LHFPL3: variants seen among roughly 807,000 people sequenced by gnomAD.
LHFPL3 encodes LHFPL tetraspan subfamily member 3 protein.
In LHFPL3, 5 loss-of-function variants were observed where a neutral mutation model predicts 19.3. That is an observed-to-expected ratio of 0.26 (90% confidence interval 0.14 to 0.54). The LOEUF is 0.54. Ranked by LOEUF, LHFPL3 falls within the 20% of genes least tolerant of loss-of-function variation. The pLI is 0.94. For synonymous variants in LHFPL3, 133 were observed against 126.2 expected, an observed-to-expected ratio of 1.05 and a Z score of -0.36; for missense variants, 249 against 307.4, an observed-to-expected ratio of 0.81 and a Z score of 1.42.
chr7:104,563,107 A>C (rs1386585293), intron 1 of LHFPL3, among the ~76,000 whole-genome samples: 2 of 151,814 alleles, frequency 1.3e-5, no homozygotes, highest in Non-Finnish European at 3.0e-5. Flanking sequence ...GGGACATTTA[A>C]GTCTGCAGAG....
chr7:104,716,444 A>G (rs1793387868), intron 1 of LHFPL3, among the ~76,000 whole-genome samples: 1 of 149,760 alleles, frequency 6.7e-6, no homozygotes, highest in African/African-American at 2.4e-5. Flanking sequence ...CTCCACCAAA[A>G]AGCTGTTGAA....
At chr7:104,669,484 A>G (rs1792429072) in intron 1 of LHFPL3, 1 of 1,612,146 alleles carries the variant, frequency 6.2e-7, no homozygotes, top group South Asian at 1.1e-5. Flanking sequence ...ACCTGAGGAA[A>G]ATCCAGCTTC....
intron 1 of LHFPL3, among the ~76,000 whole-genome samples, chr7:104,584,474 T>TA (rs1260702283): frequency 6.6e-6 from 1 of 151,528 alleles, no homozygotes; most frequent in Non-Finnish European, 1.5e-5. Context: ...TAAAATTTTT[T>TA]AAAAAAAGAA....
chr7:104,780,312 A>G (rs990374202), intron 2 of LHFPL3, among the ~76,000 whole-genome samples: 1 of 152,108 alleles, frequency 6.6e-6, no homozygotes, highest in African/African-American at 2.4e-5. Context: ...AGTCCCTGAC[A>G]CCTCCATTCT....
chr7:104,638,948 A>G (rs183106808), intron 1 of LHFPL3, among the ~76,000 whole-genome samples: 3 of 150,584 alleles, frequency 2.0e-5, no homozygotes, highest in Non-Finnish European at 4.4e-5. Flanking sequence ...TTTTTTTGGT[A>G]GAAACAGGGT....
At chr7:104,754,577 T>C (rs1794247343) in intron 2 of LHFPL3, among the ~76,000 whole-genome samples, 1 of 152,216 alleles carries the variant, frequency 6.6e-6, no homozygotes, top group African/African-American at 2.4e-5. Flanking sequence ...TACAGTGCCA[T>C]AGTGAGGTTT....
At chr7:104,353,043 C>T (rs1304097477) in intron 1 of LHFPL3, among the ~76,000 whole-genome samples, 1 of 152,154 alleles carries the variant, frequency 6.6e-6, no homozygotes, top group Non-Finnish European at 1.5e-5. Flanking sequence ...TGGATGCCTC[C>T]CAGAGGCTCC....
At chr7:104,896,959 A>ATGTAGTC (rs1792375232) in intron 2 of LHFPL3, among the ~76,000 whole-genome samples, 1 of 151,968 alleles carries the variant, frequency 6.6e-6, no homozygotes, top group South Asian at 2.1e-4. Flanking sequence ...GGTGGCGCAC[A>ATGTAGTC]CCTGTAGTCC....
chr7:104,836,172 G>A (rs562389855), intron 2 of LHFPL3, among the ~76,000 whole-genome samples: 1 of 152,282 alleles, frequency 6.6e-6, no homozygotes, highest in African/African-American at 2.4e-5. Flanking sequence ...ATCCTAAGAT[G>A]GGAAGGAGAA....
chr7:104,404,266 T>C (rs962897567), intron 1 of LHFPL3, among the ~76,000 whole-genome samples: 1 of 152,226 alleles, frequency 6.6e-6, no homozygotes, highest in African/African-American at 2.4e-5. Flanking sequence ...TCCTACTTCC[T>C]ATAACAGATA....
intron 1 of LHFPL3, among the ~76,000 whole-genome samples, chr7:104,536,473 C>T (rs1275569285): frequency 6.6e-6 from 1 of 152,180 alleles, no homozygotes; most frequent in East Asian, 1.9e-4. Context: ...TTTTCCCCCA[C>T]GTATGATTTT....
At chr7:104,821,142 G>A (rs62484328) in intron 2 of LHFPL3, among the ~76,000 whole-genome samples, 28,249 of 152,150 alleles carry the variant, frequency 0.19, 2,780 homozygotes, top group East Asian at 0.35. Flanking sequence ...TCGTTATGTA[G>A]TGTTCAATTT....
chr7:104,633,815 A>G (rs1367541542), intron 1 of LHFPL3, among the ~76,000 whole-genome samples: 1 of 152,192 alleles, frequency 6.6e-6, no homozygotes, highest in Non-Finnish European at 1.5e-5. Flanking sequence ...TAAAGTAACT[A>G]CTAACGTTGC....
chr7:104,509,246 C>T (rs1275528802), intron 1 of LHFPL3, among the ~76,000 whole-genome samples: 2 of 128,816 alleles, frequency 1.6e-5, no homozygotes, highest in African/African-American at 3.0e-5. Flanking sequence ...AAAGACAGTA[C>T]AAAAAAGAAA....
chr7:104,513,406 T>A (rs1793859060), intron 1 of LHFPL3, among the ~76,000 whole-genome samples: 1 of 152,224 alleles, frequency 6.6e-6, no homozygotes, highest in Admixed American at 6.5e-5. Context: ...TATTGTGGAA[T>A]CTGTGAATTT....
chr7:104,753,092 T>C (rs950488911), intron 2 of LHFPL3, among the ~76,000 whole-genome samples: 1 of 152,240 alleles, frequency 6.6e-6, no homozygotes, highest in East Asian at 1.9e-4. Context: ...AGGACCACAC[T>C]TTAAGCAACA....
chr7:104,413,676 C>T (rs773604091), intron 1 of LHFPL3, among the ~76,000 whole-genome samples: 2 of 152,188 alleles, frequency 1.3e-5, no homozygotes, highest in East Asian at 3.8e-4. Flanking sequence ...CGTCCTTCAC[C>T]TTCATGTCCC....
intron 1 of LHFPL3, among the ~76,000 whole-genome samples, chr7:104,580,011 A>G (rs906369022): frequency 6.6e-6 from 1 of 152,192 alleles, no homozygotes; most frequent in African/African-American, 2.4e-5. Flanking sequence ...ATTGTTAACT[A>G]TCGACTATGT....
chr7:104,641,846 C>A (rs1366808348), intron 1 of LHFPL3, among the ~76,000 whole-genome samples: 1 of 151,898 alleles, frequency 6.6e-6, no homozygotes, highest in East Asian at 1.9e-4. Context: ...AAATACTTTC[C>A]CCTGTATGAA....
Sources: allele counts gnomAD v4.1 joint callset (sites outside exome capture counted in the v4.1 genomes callset), GRCh38; gene constraint gnomAD v4.1.1; transcripts MANE v1.5; gene names NCBI Gene and HGNC (gene_info 2026-07-23, HGNC 2026-07-21).